The following MCPH1 variants were observed in gnomAD, a reference collection of about 807,000 sequenced individuals.
MCPH1 encodes microcephalin.
In MCPH1, 104 loss-of-function variants were observed where a neutral mutation model predicts 84.5. The observed-to-expected ratio is 1.23, with a 90% CI of 1.05 to 1.45. The LOEUF is 1.45. MCPH1 is among the 40% of genes most tolerant of loss of function. MCPH1 has a pLI of 0.00. For missense variants in MCPH1, 1,498 were observed against 1,005.7 expected (o/e 1.49, Z -6.62); for synonymous variants, 514 against 366.8 (o/e 1.40, Z -4.58).
intron 1 of MCPH1, among the ~76,000 whole-genome samples, chr8:6,407,749 C>T (rs1015215028): frequency 2.0e-5 from 3 of 152,164 alleles, no homozygotes; most frequent in Admixed American, 6.5e-5. Flanking sequence ...TGCTTTTAAA[C>T]ATCAGGTTTT....
intron 12 of MCPH1, among the ~76,000 whole-genome samples, chr8:6,569,553 G>A (rs1475425121): frequency 1.3e-5 from 2 of 152,176 alleles, no homozygotes; most frequent in African/African-American, 2.4e-5. Flanking sequence ...AGAAAAGGAA[G>A]AAAAATATAA....
intron 13 of MCPH1, chr8:6,626,156 A>C: frequency 1.0e-6 from 1 of 985,280 alleles, no homozygotes; most frequent in African/African-American, 1.7e-5. Context: ...TTTCGACCTC[A>C]GCTCTGAGGT....
At chr8:6,411,278 T>G (rs537652015) in intron 2 of MCPH1, among the ~76,000 whole-genome samples, 1 of 152,144 alleles carries the variant, frequency 6.6e-6, no homozygotes, top group Non-Finnish European at 1.5e-5. Flanking sequence ...TGGTGACATA[T>G]CCACCAGAAG....
chr8:6,472,763 C>A (rs368020377), intron 9 of MCPH1, among the ~76,000 whole-genome samples: 1 of 152,168 alleles, frequency 6.6e-6, no homozygotes, highest in Non-Finnish European at 1.5e-5. Flanking sequence ...CCACCATGTC[C>A]AGCCTCAGAC....
At chr8:6,509,031 C>T (rs1586223675) in intron 12 of MCPH1, 4 of 1,614,006 alleles carry the variant, frequency 2.5e-6, no homozygotes, top group Non-Finnish European at 3.4e-6. Context: ...CTTATTTTGC[C>T]GGCTGTCCCT....
rs535373370 is a variant in MCPH1 at position 6,411,980 on chromosome 8, TA to T, written c.114+2615del. The stretch of plus-strand genomic sequence containing the variant: ...GATAGGCTGAGTGAAAGAGAACCAT[TA>T]AAAATGGGAGAAAAGATAATCGAAG... On this transcript the variant is annotated intron_variant, in intron 2 of 13. Transcript: ENST00000344683. 5.8e-3 allele frequency among the ~76,000 whole-genome samples: 889 copies of T among 152,198 alleles called. 3 individuals are homozygous for T. Among genetic ancestry groups the T allele is most frequent in the South Asian group, 0.012 (57 of 4,804 alleles).
chr8:6,492,238 C>T (rs1383350115), intron 11 of MCPH1, among the ~76,000 whole-genome samples: 2 of 152,162 alleles, frequency 1.3e-5, no homozygotes, highest in African/African-American at 2.4e-5. Flanking sequence ...TGATGATGCG[C>T]ATGTTTTCAT....
chr8:6,537,674 G>A (rs1372660216), intron 12 of MCPH1, among the ~76,000 whole-genome samples: 1 of 151,890 alleles, frequency 6.6e-6, no homozygotes, highest in Admixed American at 6.5e-5. Flanking sequence ...CATTTGTGAG[G>A]CAACTATGGC....
At position 6,622,222 on chromosome 8, in the gene MCPH1, G is replaced by A. The variant is rs532858013; in HGVS notation, c.2452+531G>A. The A allele has an allele frequency of 3.9e-5, 7 of 177,722 alleles. No individual in the cohort carries two copies. The South Asian group carries it at 9.4e-4, about 24-fold the overall frequency. The allele number at this position is 177,722 out of a possible 1,614,324, so 11.0% of individuals were successfully genotyped here. A position where few individuals can be genotyped will look rare whatever the true frequency, so the allele number is the denominator to read the frequency against. The stretch of plus-strand genomic sequence containing the variant: ...AAAGTGAGCACAGTGTGACCGTAAT[G>A]TCCCACTCTGGCGTTCATGGAGCTG... On this transcript the variant is annotated intron_variant, in intron 13 of 13. Coordinates refer to ENST00000344683, the MANE Select transcript of MCPH1 (RefSeq NM_024596.5).
At chr8:6,527,480 T>C (rs1467832583) in intron 12 of MCPH1, 17 of 1,536,226 alleles carry the variant, frequency 1.1e-5, no homozygotes, top group Non-Finnish European at 8.9e-7. Flanking sequence ...TTCTGATAAT[T>C]CATCATTTGA....
intron 13 of MCPH1, among the ~76,000 whole-genome samples, chr8:6,637,872 A>G (rs1210283330): frequency 6.6e-6 from 1 of 152,066 alleles, no homozygotes; most frequent in African/African-American, 2.4e-5. Flanking sequence ...GGTGTTGTGA[A>G]GTTGTCATAT....
At chr8:6,612,283 CTG>C (rs1830349800) in intron 12 of MCPH1, among the ~76,000 whole-genome samples, 1 of 150,706 alleles carries the variant, frequency 6.6e-6, no homozygotes, top group Admixed American at 6.6e-5. Context: ...CCATCACATT[CTG>C]CCTATTTAAG....
chr8:6,471,366 A>C (rs753664681), intron 9 of MCPH1, among the ~76,000 whole-genome samples: 85 of 152,296 alleles, frequency 5.6e-4, no homozygotes, highest in Non-Finnish European at 1.1e-3. Context: ...ATTGTTTTTT[A>C]ATCTATGCAA....
At position 6,562,598 on chromosome 8, in the gene MCPH1, A is replaced by G. The variant is rs772177259; in HGVS notation, c.2215-58856A>G. The G allele has an allele frequency of 5.9e-6, 5 of 853,372 alleles. No individual in the cohort carries two copies. In the Admixed American group the frequency reaches 1.2e-4, roughly 20 times the overall value. The allele number at this position is 853,372 out of a possible 1,614,324, so 52.9% of individuals were successfully genotyped here. A position where few individuals can be genotyped will look rare whatever the true frequency, so the allele number is the denominator to read the frequency against. On this transcript the variant is annotated intron_variant, in intron 12 of 13. Transcript: ENST00000344683. ...GTTGTTAAAACCTGAGCTGCTGCCA[A>G]GCTGATCTTAATAGCATGTTCACAA...
chr8:6,513,512 T>G (rs540013226), intron 12 of MCPH1, among the ~76,000 whole-genome samples: 76 of 152,176 alleles, frequency 5.0e-4, no homozygotes, highest in Middle Eastern at 3.4e-3. Context: ...TTTTTGTACT[T>G]CTAGTAGAGA....
chr8:6,518,641 A>C (rs961394670), intron 12 of MCPH1, among the ~76,000 whole-genome samples: 4 of 152,224 alleles, frequency 2.6e-5, no homozygotes, highest in Admixed American at 6.5e-5. Context: ...TGTTTTAAAT[A>C]CTTAGGATAA....
intron 12 of MCPH1, chr8:6,562,960 C>T (rs750858621): frequency 1.1e-5 from 17 of 1,554,874 alleles, no homozygotes; most frequent in Non-Finnish European, 1.5e-5. Flanking sequence ...AAACCAGCAG[C>T]TTAGCAAACT....
chr8:6,644,299 G>C lies in MCPH1; in HGVS notation c.*1250G>C, dbSNP rs1405104992. 1 of 152,092 alleles carries C rather than the reference G, an allele frequency of 6.6e-6. No homozygotes were observed. Among genetic ancestry groups the C allele is most frequent in the Non-Finnish European group, 1.5e-5 (1 of 68,038 alleles). 9.4% of individuals were successfully genotyped at this position (152,092 alleles called of 1,614,324 possible). On this transcript the variant is annotated 3_prime_UTR_variant, in exon 14 of 14. Coordinates refer to ENST00000344683, the MANE Select transcript of MCPH1 (RefSeq NM_024596.5). The stretch of plus-strand genomic sequence containing the variant: ...AAATAAATAAATAAGAAACACTGAT[G>C]TGTCTGTCACCTTCTAAAGAAATGA...
intron 12 of MCPH1, among the ~76,000 whole-genome samples, chr8:6,614,222 ACGGT>A (rs1398286965): frequency 6.6e-6 from 1 of 152,104 alleles, no homozygotes; most frequent in Non-Finnish European, 1.5e-5. Context: ...GGTTTTGGAG[ACGGT>A]TGTGCAGAGC....
Sources: gnomAD v4.1 joint callset for allele counts (sites outside exome capture counted in the v4.1 genomes callset) on GRCh38, gnomAD v4.1.1 for gene constraint, MANE v1.5 for transcripts, NCBI Gene and HGNC (gene_info 2026-07-23, HGNC 2026-07-21) for gene names.